ZNF317: variants seen among roughly 807,000 people sequenced by gnomAD.
ZNF317 encodes the protein KRAB-containing zinc finger protein 317.
Under a neutral mutation model 23.4 loss-of-function variants are expected in ZNF317, and 17 were observed. The ratio of observed to expected loss-of-function variants is 0.73; its 90% CI spans 0.50 to 1.09. The LOEUF is 1.09. Among genes scored for constraint, ZNF317 ranks in the 50% least tolerant of loss-of-function variants. The pLI is 0.00. For missense variants in ZNF317, 679 were observed against 796.7 expected (o/e 0.85, Z 1.78); for synonymous variants, 317 against 314.9 (o/e 1.01, Z -0.07).
chr19:9,157,681 C>CAT, intron 4 of ZNF317: 1 of 344,576 alleles, frequency 2.9e-6, no homozygotes, highest in African/African-American at 2.2e-5. Flanking sequence ...TTTCCTATTT[C>CAT]TTTTTTTTTT....
At chr19:9,154,761 TAGTC>T (rs2050768264) in intron 1 of ZNF317, among the ~76,000 whole-genome samples, 1 of 152,242 alleles carries the variant, frequency 6.6e-6, no homozygotes, top group Non-Finnish European at 1.5e-5. Flanking sequence ...TTGGATCAGA[TAGTC>T]AGTGTGCTTG....
chr19:9,146,833 G>T (rs2050687698), intron 1 of ZNF317, among the ~76,000 whole-genome samples: 1 of 152,170 alleles, frequency 6.6e-6, no homozygotes, highest in African/African-American at 2.4e-5. Context: ...ATTTACATCT[G>T]CAAATTCTGA....
intron 1 of ZNF317, among the ~76,000 whole-genome samples, chr19:9,148,057 G>GC (rs1310500322): frequency 1.4e-4 from 21 of 152,094 alleles, no homozygotes; most frequent in African/African-American, 5.1e-4. Context: ...TTCACCATAT[G>GC]CTTTGCCTGC....
chr19:9,161,361 C>A lies in ZNF317; in HGVS notation c.1716C>A (p.Ser572=). Residue 572 remains serine, a synonymous_variant, in exon 7 of 7, where the codon TCC becomes TCA. Coordinates refer to ENST00000247956, the MANE Select transcript of ZNF317 (RefSeq NM_020933.5). The surrounding 1 kb of genome is among the most constrained non-coding windows in gnomAD (Gnocchi z 4.0). ...GGAAAGCCTTCAGCGACCACTCATCCCTCAGGAGCCACGTGAAAACTCACC... is the reference window on the plus strand; with the variant it reads ...GGAAAGCCTTCAGCGACCACTCATCACTCAGGAGCCACGTGAAAACTCACC... The part of the protein sequence containing the change: ...VCGKAFSDHS[S]LRSHVKTHRG... The A allele has an allele frequency of 1.2e-6, 2 of 1,614,176 alleles. No homozygotes were observed. Among genetic ancestry groups the A allele is most frequent in the Non-Finnish European group, 1.7e-6 (2 of 1,180,032 alleles).
chr19:9,160,534 A>G lies in ZNF317; in HGVS notation c.889A>G (p.Met297Val), dbSNP rs144831438. The G allele has an allele frequency of 2.4e-5, 39 of 1,614,106 alleles. No homozygotes were observed. The highest frequency in any genetic ancestry group is 3.0e-5 in the Non-Finnish European group (35 of 1,180,050). Residue 297 changes from methionine (M) to valine (V), a missense_variant, in exon 7 of 7, where the codon ATG (methionine) becomes GTG (valine). Physicochemically the swap from Met to Val is conservative, Grantham distance 21 (BLOSUM62 1). Coordinates refer to ENST00000247956, the MANE Select transcript of ZNF317 (RefSeq NM_020933.5). This position sits in a 1 kb window ranked among gnomAD's most constrained non-coding sequence, Gnocchi z 6.8. ...FRTLSALKIH[M>V]RVHTGERPYK... is the part of the protein sequence containing the mutation. ...GACCCTCTCGGCCCTGAAAATCCAC[A>G]TGCGAGTTCACACTGGCGAGAGGCC... is the stretch of plus-strand genomic sequence containing the variant.
chr19:9,142,846 G>T (rs1425712849), intron 1 of ZNF317, among the ~76,000 whole-genome samples: 1 of 152,084 alleles, frequency 6.6e-6, no homozygotes, highest in Non-Finnish European at 1.5e-5. Context: ...CTAATACTTT[G>T]TTTGGTGTTT....
At chr19:9,159,174 A>G (rs1234093588) in intron 6 of ZNF317, among the ~76,000 whole-genome samples, 1 of 152,062 alleles carries the variant, frequency 6.6e-6, no homozygotes, top group African/African-American at 2.4e-5. Flanking sequence ...GTTTTATTTT[A>G]TATTTATGCT....
intron 1 of ZNF317, among the ~76,000 whole-genome samples, chr19:9,144,070 T>C (rs1721156103): frequency 6.6e-6 from 1 of 151,970 alleles, no homozygotes; most frequent in South Asian, 2.1e-4. Flanking sequence ...TGGCGCGATC[T>C]TGGCTCACTG....
At chr19:9,149,349 A>G (rs1230908592) in intron 1 of ZNF317, among the ~76,000 whole-genome samples, 4 of 151,966 alleles carry the variant, frequency 2.6e-5, no homozygotes, top group Admixed American at 2.6e-4. Flanking sequence ...TGGCACACCT[A>G]TAGTCCCAGC....
chr19:9,152,975 G>A (rs1337041771), intron 1 of ZNF317, among the ~76,000 whole-genome samples: 1 of 152,126 alleles, frequency 6.6e-6, no homozygotes, highest in Non-Finnish European at 1.5e-5. Context: ...TTAGTTACTT[G>A]CATCTTTTTT....
In ZNF317 at chr19:9,155,583, G is replaced by C. The variant is rs533574578; in HGVS notation, c.-92-342G>C. On this transcript the variant is annotated intron_variant, in intron 1 of 6. Transcript: ENST00000247956. ...TGATCCTGGGTGGACCATCTTCATG[G>C]ATAGAGCCATCCTAAATGATCGCAG... 2.0e-4 allele frequency among the ~76,000 whole-genome samples: 31 copies of C among 152,280 alleles called. 1 individual carries two copies. The highest frequency in any genetic ancestry group is 1.8e-3 in the Admixed American group (27 of 15,276).
intron 1 of ZNF317, among the ~76,000 whole-genome samples, chr19:9,147,122 C>T (rs1430483329): frequency 6.6e-6 from 1 of 152,076 alleles, no homozygotes; most frequent in African/African-American, 2.4e-5. Flanking sequence ...GTCTAGCAGC[C>T]TTGGTTGCCT....
rs549374811 is a variant in ZNF317 at position 9,140,620 on chromosome 19, C to T, written c.-93+28C>T. 1.3e-4 allele frequency: 61 copies of T among 455,646 alleles called. 1 individual carries two copies. Among genetic ancestry groups the T allele is most frequent in the Non-Finnish European group, 2.0e-4 (46 of 226,496 alleles). The allele number at this position is 455,646 out of a possible 1,614,324, so 28.2% of individuals were successfully genotyped here. ...AAGCCCTGCTTTCCTTAACCCTTCT[C>T]CCCCTCAGTTCCAGGGGTCACGGGA... On this transcript the variant is annotated intron_variant, in intron 1 of 6. Transcript: ENST00000247956.
Position 9,161,534 on chromosome 19 carries a change from A to C in ZNF317, c.*101A>C. The C allele has an allele frequency of 8.1e-6, 12 of 1,486,208 alleles. No individual in the cohort carries two copies. Among genetic ancestry groups the C allele is most frequent in the Non-Finnish European group, 1.1e-5 (12 of 1,111,810 alleles). The allele number at this position is 1,486,208 out of a possible 1,614,324, so 92.1% of individuals were successfully genotyped here. On this transcript the variant is annotated 3_prime_UTR_variant, in exon 7 of 7. Coordinates refer to ENST00000247956, the MANE Select transcript of ZNF317 (RefSeq NM_020933.5). The surrounding 1 kb of genome is among the most constrained non-coding windows in gnomAD (Gnocchi z 4.0). The stretch of plus-strand genomic sequence containing the variant: ...GCTCGCACCTTACTGGGTGCAAAAG[A>C]ATCCACGGAACTTGGGAGAAGTCCA...
intron 1 of ZNF317, among the ~76,000 whole-genome samples, chr19:9,140,820 TGAAAAGCCCTAAGTCTCTGGTGGGGGCG>T (rs1373941500): frequency 6.6e-6 from 1 of 152,036 alleles, no homozygotes; most frequent in Non-Finnish European, 1.5e-5. Flanking sequence ...CACCTGATCC[TGAAAAGCCCTAAGTCTCTGGTGGGGGCG>T]GAAAAGCCCG....
rs149454800 is a variant in ZNF317, at chr19:9,157,189, G to A, written c.163-79G>A. 1.1e-3 allele frequency: 1,661 copies of A among 1,559,436 alleles called. 39 individuals carry two copies. In the East Asian group the frequency reaches 0.031, roughly 30 times the overall value. The stretch of plus-strand genomic sequence containing the variant: ...ATCCTGTGTTGGGTCTCTCATGCCC[G>A]GTCTTCAACCTCAGCCATCTTACCA... On this transcript the variant is annotated intron_variant, in intron 3 of 6. Transcript: ENST00000247956.
At chr19:9,155,323 A>G (rs1054435139) in intron 1 of ZNF317, among the ~76,000 whole-genome samples, 5 of 152,112 alleles carry the variant, frequency 3.3e-5, no homozygotes, top group African/African-American at 7.2e-5. Context: ...AGATGTTTAA[A>G]TTCAAATTCA....
chr19:9,144,546 T>C (rs572866365), intron 1 of ZNF317, among the ~76,000 whole-genome samples: 1 of 151,796 alleles, frequency 6.6e-6, no homozygotes, highest in African/African-American at 2.4e-5. Context: ...GTGGTTGTTC[T>C]AAATAATTCT....
At chr19:9,154,486 C>A (rs1489941132) in intron 1 of ZNF317, among the ~76,000 whole-genome samples, 1 of 151,902 alleles carries the variant, frequency 6.6e-6, no homozygotes, top group Admixed American at 6.6e-5. Context: ...GGAATCAGAG[C>A]GTTTCTTGTG....
Sources: gnomAD v4.1 joint callset for allele counts (sites outside exome capture counted in the v4.1 genomes callset) on GRCh38, gnomAD v4.1.1 for gene constraint, Gnocchi (gnomAD v3.1) non-coding constraint, MANE v1.5 for transcripts, NCBI Gene and HGNC (gene_info 2026-07-23, HGNC 2026-07-21) for gene names.